Variants in SPDYE21 observed in about 807,000 individuals in gnomAD.
SPDYE21 encodes speedy protein E21.
SPDYE21 carries 14 observed loss-of-function variants against 36.2 expected under a neutral mutation model. The observed-to-expected ratio is 0.39, with a 90% confidence interval of 0.26 to 0.61. The LOEUF is 0.61. Among genes scored for constraint, SPDYE21 ranks in the 20% least tolerant of loss-of-function variants. SPDYE21 has a pLI of 0.55. For synonymous variants in SPDYE21, 58 were observed against 155.1 expected (o/e 0.37, Z 4.65); for missense variants, 233 against 424.6 (o/e 0.55, Z 3.97).
chr7:67,279,584 A>G (rs1802596276), intron 2 of SPDYE21, among the ~76,000 whole-genome samples: 1 of 152,162 alleles, frequency 6.6e-6, no homozygotes, highest in African/African-American at 2.4e-5. Context: ...GGACTCAGAG[A>G]GCCAGGGACC....
At chr7:67,278,896 A>G in intron 2 of SPDYE21, among the ~76,000 whole-genome samples, 23 bp downstream of exon 2, 1 of 150,860 alleles carries the variant, frequency 6.6e-6, no homozygotes, top group Non-Finnish European at 1.5e-5. Flanking sequence ...GTGGAAGAAG[A>G]GGTGGGATAG....
intron 4 of SPDYE21, among the ~76,000 whole-genome samples, chr7:67,281,843 C>A (rs892693463): frequency 1.3e-5 from 2 of 152,146 alleles, no homozygotes; most frequent in African/African-American, 4.8e-5. Flanking sequence ...GCAGTGGCTC[C>A]CGCCTGAGAT....
chr7:67,285,765 G>A (rs894528223), intron 6 of SPDYE21, among the ~76,000 whole-genome samples: 7 of 152,078 alleles, frequency 4.6e-5, no homozygotes, highest in African/African-American at 1.7e-4. Flanking sequence ...GGCCTCAAGT[G>A]ATCCTCCTGC....
intron 8 of SPDYE21, among the ~76,000 whole-genome samples, 81 bp from the exon 9 acceptor site, chr7:67,287,437 A>G (rs1275901805): frequency 1.3e-5 from 2 of 152,182 alleles, no homozygotes; most frequent in Non-Finnish European, 2.9e-5. Context: ...TCTGAACTCT[A>G]GACTTGACAT....
chr7:67,277,127 T>A (rs1392481819), intron 1 of SPDYE21, among the ~76,000 whole-genome samples, 65 bp downstream of exon 1: 1 of 152,078 alleles, frequency 6.6e-6, no homozygotes, highest in Admixed American at 6.6e-5. Context: ...AATGGTGCGA[T>A]CTTGGCTCCC....
In SPDYE21 at chr7:67,288,967, A is replaced by G. The variant is rs1802791983; in HGVS notation, c.*1495A>G. Among the ~76,000 whole-genome samples, 1 of 142,106 alleles carries G rather than the reference A, an allele frequency of 7.0e-6. No individual in the cohort carries two copies. Among genetic ancestry groups the G allele is most frequent in the African/African-American group, 2.6e-5 (1 of 37,822 alleles). 93.2% of individuals were successfully genotyped at this position (142,106 alleles called of 152,430 possible). A position where few individuals can be genotyped will look rare whatever the true frequency, so the allele number is the denominator to read the frequency against. On this transcript the variant is annotated 3_prime_UTR_variant, in exon 9 of 9. Transcript: ENST00000424157. ...TAGAGTGCGTCTCTTGGGGAAACAT[A>G]ATAAAAATGAACTTTTCTCACCTTC...
intron 3 of SPDYE21, among the ~76,000 whole-genome samples, chr7:67,280,744 C>CCCAGAAG (rs1802618302): frequency 7.8e-6 from 1 of 127,982 alleles, no homozygotes; most frequent in South Asian, 2.7e-4. Context: ...GAAGGAAGGG[C>CCCAGAAG]CCAGAAGTCA....
rs139721674 is a variant in SPDYE21 at position 67,282,119 on chromosome 7, C to T, written c.610+515C>T. On this transcript the variant is annotated intron_variant, in intron 4 of 8. Coordinates refer to ENST00000424157, the MANE Select transcript of SPDYE21 (RefSeq NM_001382715.2). Reference sequence around the variant, plus strand: ...CTGCATTCCAGCCTGGCCCACAGAGCAAGACTCTGTCTCAAAATAAATTAA... The same window carrying T: ...CTGCATTCCAGCCTGGCCCACAGAGTAAGACTCTGTCTCAAAATAAATTAA... Among the ~76,000 whole-genome samples the T allele has an allele frequency of 5.9e-3, 895 of 152,212 alleles. 6 individuals are homozygous for T. The highest frequency in any genetic ancestry group is 0.021 in the African/African-American group (858 of 41,522).
rs1802580951 is a variant in SPDYE21, at chr7:67,278,739, G to GT, written c.27dup (p.Lys10Ter). Among the ~76,000 whole-genome samples, 1 of 151,124 alleles carries GT rather than the reference G, an allele frequency of 6.6e-6. No homozygotes were observed. The highest frequency in any genetic ancestry group is 2.4e-5 in the African/African-American group (1 of 41,020). Reference sequence around the variant, plus strand: ...ATGGACAGAACGGAGACTAGGTTCCGTAAGAGGGGACAGATTACGGGAAAG... The same window carrying GT: ...ATGGACAGAACGGAGACTAGGTTCCGTTAAGAGGGGACAGATTACGGGAAAG... On this transcript the variant is annotated frameshift_variant, in exon 2 of 9. Transcript: ENST00000424157. LOFTEE classifies it high-confidence loss of function.
chr7:67,280,186 C>T lies in SPDYE21; in HGVS notation c.379+150C>T, dbSNP rs1236078189. The T allele has an allele frequency of 4.0e-6, 6 of 1,485,850 alleles. No homozygotes were observed. In the African/African-American group the frequency reaches 5.6e-5, roughly 14 times the overall value. The allele number at this position is 1,485,850 out of a possible 1,614,324, so 92.0% of individuals were successfully genotyped here. On this transcript the variant is annotated intron_variant, in intron 3 of 8. Transcript: ENST00000424157. The stretch of plus-strand genomic sequence containing the variant: ...CTCAGAAGTGATCACTCATGAGGGA[C>T]ACTTAGGAGACGATAGAGGACTAGG...
intron 6 of SPDYE21, among the ~76,000 whole-genome samples, chr7:67,285,671 T>C (rs1802716648): frequency 1.3e-5 from 2 of 152,376 alleles, no homozygotes; most frequent in Non-Finnish European, 2.9e-5. Context: ...ATTACAGGCA[T>C]GAGCCACTGC....
At chr7:67,283,560 C>T (rs1257369239) in intron 5 of SPDYE21, among the ~76,000 whole-genome samples, 1 of 152,066 alleles carries the variant, frequency 6.6e-6, no homozygotes, top group Admixed American at 6.6e-5. Flanking sequence ...CACAGTCTGG[C>T]CGCAGCCCTG....
rs373842573 is a variant in SPDYE21 at position 67,282,544 on chromosome 7, T to A, written c.611-91T>A. ...TCACCCGCGGCCACAATCCTGAGACTTCCCCCCGGGAGGCACACTTCTCGC... is the reference window on the plus strand; with the variant it reads ...TCACCCGCGGCCACAATCCTGAGACATCCCCCCGGGAGGCACACTTCTCGC... On this transcript the variant is annotated intron_variant, in intron 4 of 8. Transcript: ENST00000424157. The A allele has an allele frequency of 3.2e-6, 5 of 1,580,734 alleles. No individual in the cohort carries two copies. The African/African-American group carries it at 5.4e-5, about 17-fold the overall frequency.
chr7:67,285,627 C>G (rs1160170065), intron 6 of SPDYE21, among the ~76,000 whole-genome samples: 4 of 152,172 alleles, frequency 2.6e-5, no homozygotes, highest in African/African-American at 7.2e-5. Context: ...TGGTCTCAAG[C>G]GATCCACCTG....
intron 3 of SPDYE21, among the ~76,000 whole-genome samples, chr7:67,280,339 G>C (rs1802609593): frequency 2.0e-5 from 3 of 152,082 alleles, no homozygotes; most frequent in African/African-American, 7.2e-5. Context: ...TCAGGACTTT[G>C]AGGCTGCAGT....
rs1427533098 is a variant in SPDYE21, at chr7:67,278,336, C to T, written c.-378C>T. Among the ~76,000 whole-genome samples, 1 of 139,034 alleles carries T rather than the reference C, an allele frequency of 7.2e-6. No homozygotes were observed. Among genetic ancestry groups the T allele is most frequent in the Non-Finnish European group, 1.6e-5 (1 of 64,084 alleles). 91.2% of individuals were successfully genotyped at this position (139,034 alleles called of 152,430 possible). Reference sequence around the variant, plus strand: ...ATGTACAGAGACGAAGAGACCCCAACATGCTTCAGGCTTTGAGTGGAGAGG... The same window carrying T: ...ATGTACAGAGACGAAGAGACCCCAATATGCTTCAGGCTTTGAGTGGAGAGG... On this transcript the variant is annotated 5_prime_UTR_variant, in exon 2 of 9. Coordinates refer to ENST00000424157, the MANE Select transcript of SPDYE21 (RefSeq NM_001382715.2).
At position 67,288,000 on chromosome 7, in the gene SPDYE21, GAATT is replaced by G. The variant is rs1802770695; in HGVS notation, c.*530_*533del. Among the ~76,000 whole-genome samples, 1 of 151,254 alleles carries G rather than the reference GAATT, an allele frequency of 6.6e-6. No homozygotes were observed. Among genetic ancestry groups the G allele is most frequent in the African/African-American group, 2.4e-5 (1 of 41,162 alleles). On this transcript the variant is annotated 3_prime_UTR_variant, in exon 9 of 9. Transcript: ENST00000424157. ...GTTTGTTTGGAAAATGTTGGCCATTGAATTATTCATAGATTTATTTCAAATAGTT... is the reference window on the plus strand; with the variant it reads ...GTTTGTTTGGAAAATGTTGGCCATTGATTCATAGATTTATTTCAAATAGTT...
rs1341393024 is a variant in SPDYE21 at position 67,278,338 on chromosome 7, T to C, written c.-376T>C. Among the ~76,000 whole-genome samples the C allele has an allele frequency of 1.4e-5, 2 of 138,706 alleles. No homozygotes were observed. The highest frequency in any genetic ancestry group is 7.3e-5 in the Admixed American group (1 of 13,746). 91.0% of individuals were successfully genotyped at this position (138,706 alleles called of 152,430 possible). On this transcript the variant is annotated 5_prime_UTR_variant, in exon 2 of 9. It removes an upstream start codon present in the reference 5' UTR. Transcript: ENST00000424157. ...GTACAGAGACGAAGAGACCCCAACA[T>C]GCTTCAGGCTTTGAGTGGAGAGGAC...
chr7:67,284,241 C>A (rs1802689241), intron 6 of SPDYE21, among the ~76,000 whole-genome samples: 1 of 150,144 alleles, frequency 6.7e-6, no homozygotes, highest in South Asian at 2.1e-4. Context: ...CTGAGGTCAG[C>A]AGTTCGAGAC....
Sources: allele counts gnomAD v4.1 joint callset (sites outside exome capture counted in the v4.1 genomes callset), GRCh38; gene constraint gnomAD v4.1.1; transcripts MANE v1.5; gene names NCBI Gene and HGNC (gene_info 2026-07-23, HGNC 2026-07-21).